The following NKAIN2 variants were observed in gnomAD, a reference collection of about 807,000 sequenced individuals.
The protein encoded by NKAIN2 is sodium/potassium-transporting ATPase subunit beta-1-interacting protein 2.
NKAIN2 carries 14 observed loss-of-function variants against 32.6 expected under a neutral mutation model. That is an observed-to-expected ratio of 0.43 (90% CI 0.28 to 0.67). The LOEUF (loss-of-function observed/expected upper bound fraction) is 0.67, where lower values mean the gene tolerates loss of function less well. NKAIN2 is among the 30% of genes least tolerant of loss of function. The pLI, the probability that NKAIN2 is intolerant of heterozygous loss-of-function variation, is 0.17. For synonymous variants in NKAIN2, 80 were observed against 87.2 expected (o/e 0.92, Z 0.46); for missense variants, 198 against 258.3 (o/e 0.77, Z 1.60).
chr6:124,408,162 T>C (rs888167133), intron 3 of NKAIN2, among the ~76,000 whole-genome samples: 8 of 152,120 alleles, frequency 5.3e-5, no homozygotes, highest in African/African-American at 1.7e-4. Context: ...TTCACTCTGA[T>C]GGTAGTTTGT....
chr6:124,734,535 C>T (rs535512117), intron 4 of NKAIN2, among the ~76,000 whole-genome samples: 3 of 151,940 alleles, frequency 2.0e-5, no homozygotes, highest in Admixed American at 6.6e-5. Context: ...TCCACAATCT[C>T]CCTGACAGAG....
At chr6:124,196,729 T>C (rs1454634932) in intron 1 of NKAIN2, among the ~76,000 whole-genome samples, 1 of 152,090 alleles carries the variant, frequency 6.6e-6, no homozygotes, top group Non-Finnish European at 1.5e-5. Flanking sequence ...GCAAATTTAA[T>C]TGAACTATTA....
At chr6:124,305,625 T>G (rs1039897952) in intron 2 of NKAIN2, among the ~76,000 whole-genome samples, 3 of 152,100 alleles carry the variant, frequency 2.0e-5, no homozygotes, top group African/African-American at 7.2e-5. Context: ...AAATAAAATC[T>G]GAGATACTCC....
At chr6:123,900,247 G>A (rs1462051498) in intron 1 of NKAIN2, among the ~76,000 whole-genome samples, 4 of 151,942 alleles carry the variant, frequency 2.6e-5, no homozygotes, top group African/African-American at 4.8e-5. Context: ...TGAGGCGGGC[G>A]GATCATGAGG....
chr6:123,898,043 A>G (rs1774367117), intron 1 of NKAIN2, among the ~76,000 whole-genome samples: 1 of 152,210 alleles, frequency 6.6e-6, no homozygotes, highest in African/African-American at 2.4e-5. Context: ...TCCTCTAATC[A>G]TACAAATTTA....
At chr6:124,065,341 C>T (rs1319491550) in intron 1 of NKAIN2, among the ~76,000 whole-genome samples, 1 of 152,050 alleles carries the variant, frequency 6.6e-6, no homozygotes, top group Non-Finnish European at 1.5e-5. Flanking sequence ...ACTGCAGTTC[C>T]CGCTTACCCA....
intron 3 of NKAIN2, among the ~76,000 whole-genome samples, chr6:124,569,044 C>G (rs1452116169): frequency 6.6e-6 from 1 of 152,158 alleles, no homozygotes; most frequent in Non-Finnish European, 1.5e-5. Flanking sequence ...ATTGCCCTCA[C>G]TGGCAGTCTA....
intron 1 of NKAIN2, among the ~76,000 whole-genome samples, chr6:124,038,275 C>T (rs1781697857): frequency 6.6e-6 from 1 of 151,950 alleles, no homozygotes. Flanking sequence ...CTCTGTCACC[C>T]AGGCTGGATG....
intron 3 of NKAIN2, among the ~76,000 whole-genome samples, chr6:124,602,662 T>A (rs145155263): frequency 7.5e-4 from 114 of 152,094 alleles, no homozygotes; most frequent in African/African-American, 2.5e-3. Flanking sequence ...ACTTTTTTCT[T>A]TTGTTCTTTG....
intron 4 of NKAIN2, among the ~76,000 whole-genome samples, chr6:124,702,413 G>A (rs1030367566): frequency 3.9e-5 from 6 of 152,110 alleles, no homozygotes; most frequent in Non-Finnish European, 8.8e-5. Flanking sequence ...AGTAAGCATT[G>A]TGAATTGTCT....
At position 124,779,894 on chromosome 6, in the gene NKAIN2, A is replaced by C. The variant is rs185260380; in HGVS notation, c.475-11445A>C. ...AATGTTGACCTAAAACACAATGAGCAAAAATGAATGGTTGTTACTTTAAGC... is the reference window on the plus strand; with the variant it reads ...AATGTTGACCTAAAACACAATGAGCCAAAATGAATGGTTGTTACTTTAAGC... On this transcript the variant is annotated intron_variant, in intron 4 of 6. Coordinates refer to ENST00000368417, the MANE Select transcript of NKAIN2 (RefSeq NM_001040214.3). Among the ~76,000 whole-genome samples, 47 of 152,358 alleles carry C rather than the reference A, an allele frequency of 3.1e-4. No homozygotes were observed. In the East Asian group the frequency reaches 8.1e-3, roughly 26 times the overall value.
At chr6:124,406,702 A>G (rs78276519) in intron 3 of NKAIN2, among the ~76,000 whole-genome samples, 3,284 of 152,220 alleles carry the variant, frequency 0.022, 49 homozygotes, top group Non-Finnish European at 0.032. Flanking sequence ...TCTTACAAGT[A>G]GCATATGAGA....
At chr6:124,329,182 A>G (rs1797549940) in intron 2 of NKAIN2, among the ~76,000 whole-genome samples, 2 of 151,538 alleles carry the variant, frequency 1.3e-5, no homozygotes, top group African/African-American at 4.9e-5. Flanking sequence ...CCTCAATCCC[A>G]AGGGGTCTAT....
chr6:124,078,786 T>TTGTGTGTGTG (rs71021477), intron 1 of NKAIN2, among the ~76,000 whole-genome samples: 132 of 144,732 alleles, frequency 9.1e-4, no homozygotes, highest in Middle Eastern at 7.1e-3. Context: ...TATGTCGTTT[T>TTGTGTGTGTG]TGTGTGTGTG....
intron 3 of NKAIN2, among the ~76,000 whole-genome samples, chr6:124,417,233 A>G (rs1237833795): frequency 6.6e-6 from 1 of 152,238 alleles, no homozygotes; most frequent in Non-Finnish European, 1.5e-5. Context: ...AAACAAATAG[A>G]AAACAGAAAG....
intron 1 of NKAIN2, among the ~76,000 whole-genome samples, chr6:124,123,547 G>A (rs547879625): frequency 2.0e-5 from 3 of 151,984 alleles, no homozygotes; most frequent in African/African-American, 7.2e-5. Context: ...TGCATTTGTT[G>A]CGCATTCATA....
chr6:124,763,284 G>T (rs1778357439), intron 4 of NKAIN2, among the ~76,000 whole-genome samples: 1 of 152,210 alleles, frequency 6.6e-6, no homozygotes, highest in Admixed American at 6.5e-5. Context: ...ATGTGAGACT[G>T]GGTTATTTAC....
At chr6:124,011,679 A>G (rs1457607644) in intron 1 of NKAIN2, among the ~76,000 whole-genome samples, 1 of 152,194 alleles carries the variant, frequency 6.6e-6, no homozygotes, top group African/African-American at 2.4e-5. Context: ...CGTTATGGCT[A>G]TATTTCAAAT....
chr6:124,102,672 A>G (rs1784945697), intron 1 of NKAIN2, among the ~76,000 whole-genome samples: 1 of 152,098 alleles, frequency 6.6e-6, no homozygotes, highest in Non-Finnish European at 1.5e-5. Flanking sequence ...CTCTTTTGTG[A>G]ATGTATTGTG....
Sources: gnomAD v4.1 joint callset for allele counts (sites outside exome capture counted in the v4.1 genomes callset) on GRCh38, gnomAD v4.1.1 for gene constraint, MANE v1.5 for transcripts, NCBI Gene and HGNC (gene_info 2026-07-23, HGNC 2026-07-21) for gene names.